The following PHACTR1 variants were observed in gnomAD, a reference collection of about 807,000 sequenced individuals.
PHACTR1 encodes the protein RPEL repeat containing 1.
PHACTR1 carries 16 observed loss-of-function variants against 69.2 expected under a neutral mutation model. The ratio of observed to expected loss-of-function variants is 0.23; its 90% CI spans 0.16 to 0.35. PHACTR1 has a LOEUF of 0.35. PHACTR1 is among the 10% of genes least tolerant of loss of function. The pLI is 1.00. For missense variants in PHACTR1, 510 were observed against 734.7 expected (o/e 0.69, Z 3.54); for synonymous variants, 312 against 284.5 (o/e 1.10, Z -0.97).
chr6:13,139,113 CTTT>C (rs10656438), intron 5 of PHACTR1, among the ~76,000 whole-genome samples: 1 of 142,026 alleles, frequency 7.0e-6, no homozygotes. Flanking sequence ...TGCTATTTGC[CTTT>C]TTTTTTTTTT....
At chr6:13,263,539 A>T (rs1383944689) in intron 10 of PHACTR1, among the ~76,000 whole-genome samples, 1 of 152,238 alleles carries the variant, frequency 6.6e-6, no homozygotes, top group Non-Finnish European at 1.5e-5. Context: ...GACATATTTT[A>T]TAAACCAGGG....
chr6:12,929,181 C>G (rs1280998843), intron 4 of PHACTR1, among the ~76,000 whole-genome samples: 1 of 152,314 alleles, frequency 6.6e-6, no homozygotes, highest in Middle Eastern at 3.4e-3. Context: ...TTGCCTAAAG[C>G]TGGGACCAAC....
At chr6:13,235,808 G>C (rs1771901687) in intron 10 of PHACTR1, among the ~76,000 whole-genome samples, 1 of 152,194 alleles carries the variant, frequency 6.6e-6, no homozygotes. Flanking sequence ...GGAACGGCTA[G>C]CTCTTCAGAC....
intron 4 of PHACTR1, among the ~76,000 whole-genome samples, chr6:12,997,276 T>G (rs1797536493): frequency 6.8e-6 from 1 of 147,894 alleles, no homozygotes. Flanking sequence ...TAGTATATAG[T>G]AAATCTCTAT....
chr6:12,986,708 C>T (rs1326138254), intron 4 of PHACTR1, among the ~76,000 whole-genome samples: 2 of 152,158 alleles, frequency 1.3e-5, no homozygotes, highest in African/African-American at 4.8e-5. Context: ...AAGACACCTA[C>T]GGAAGATTGG....
At chr6:12,746,941 T>G (rs1765851227) in intron 3 of PHACTR1, among the ~76,000 whole-genome samples, 2 of 152,216 alleles carry the variant, frequency 1.3e-5, no homozygotes, top group South Asian at 4.1e-4. Flanking sequence ...ATTGTTTATT[T>G]CCTTACATTT....
At chr6:12,881,274 T>C (rs1363736351) in intron 4 of PHACTR1, among the ~76,000 whole-genome samples, 2 of 152,188 alleles carry the variant, frequency 1.3e-5, no homozygotes, top group African/African-American at 2.4e-5. Context: ...TGAGTGACTC[T>C]CAAGTTTCCA....
At chr6:13,250,427 T>A (rs1478591710) in intron 10 of PHACTR1, among the ~76,000 whole-genome samples, 1 of 152,214 alleles carries the variant, frequency 6.6e-6, no homozygotes, top group East Asian at 1.9e-4. Flanking sequence ...CAGATTATGC[T>A]GGGAATACGG....
At chr6:13,223,236 G>A (rs1768967420) in intron 8 of PHACTR1, among the ~76,000 whole-genome samples, 1 of 152,138 alleles carries the variant, frequency 6.6e-6, no homozygotes, top group Non-Finnish European at 1.5e-5. Context: ...TAAGGAGGTG[G>A]GAGTATAATC....
chr6:12,857,426 A>G (rs547189046), intron 4 of PHACTR1, among the ~76,000 whole-genome samples: 31 of 152,292 alleles, frequency 2.0e-4, no homozygotes, highest in African/African-American at 7.5e-4. Context: ...CCTGGCCAAC[A>G]TGGCTGTCTT....
At chr6:13,060,505 T>C (rs1425644906) in intron 5 of PHACTR1, among the ~76,000 whole-genome samples, 2 of 152,090 alleles carry the variant, frequency 1.3e-5, no homozygotes, top group African/African-American at 4.8e-5. Context: ...TTAGAAAATA[T>C]GAGACAGAAG....
chr6:13,009,888 CCA>C (rs869061503), intron 4 of PHACTR1, among the ~76,000 whole-genome samples: 1 of 151,248 alleles, frequency 6.6e-6, no homozygotes, highest in Non-Finnish European at 1.5e-5. Context: ...ACCACCACCA[CCA>C]CCCTCTGCCC....
At chr6:13,006,460 TG>T (rs1420185922) in intron 4 of PHACTR1, among the ~76,000 whole-genome samples, 5 of 152,194 alleles carry the variant, frequency 3.3e-5, no homozygotes, top group Admixed American at 3.3e-4. Context: ...TTGTGTGACC[TG>T]GGAAATTCAT....
intron 4 of PHACTR1, among the ~76,000 whole-genome samples, chr6:12,781,958 G>A (rs1770881680): frequency 6.6e-6 from 1 of 152,198 alleles, no homozygotes; most frequent in Admixed American, 6.5e-5. Context: ...GGCCTATCTG[G>A]CCAAGTCACC....
chr6:13,160,809 T>C (rs1237688622), intron 6 of PHACTR1, among the ~76,000 whole-genome samples: 1 of 152,194 alleles, frequency 6.6e-6, no homozygotes, highest in Non-Finnish European at 1.5e-5. Flanking sequence ...AATGATAATA[T>C]TATGGTGCTT....
intron 3 of PHACTR1, among the ~76,000 whole-genome samples, chr6:12,745,040 G>GA (rs1765594424): frequency 6.6e-6 from 1 of 152,256 alleles, no homozygotes; most frequent in East Asian, 1.9e-4. Context: ...TTGGGGGCCT[G>GA]AAAAATAGAC....
chr6:13,276,235 G>A (rs1173754818), intron 11 of PHACTR1: 1 of 152,154 alleles, frequency 6.6e-6, no homozygotes, highest in African/African-American at 2.4e-5. Flanking sequence ...AGGGACCTCT[G>A]GTGACCTCAG....
intron 6 of PHACTR1, 131 bp from the exon 7 acceptor site, chr6:13,182,388 A>C (rs1762288221): frequency 9.4e-7 from 1 of 1,060,260 alleles, no homozygotes; most frequent in Admixed American, 1.9e-5. Flanking sequence ...TTAAAAGCAA[A>C]ATAACAGATG....
chr6:12,817,185 G>A (rs974441182), intron 4 of PHACTR1, among the ~76,000 whole-genome samples: 3 of 152,110 alleles, frequency 2.0e-5, no homozygotes, highest in Middle Eastern at 3.2e-3. Context: ...CTTATTTTTA[G>A]TGAATTTGGG....
Sources: allele counts gnomAD v4.1 joint callset (sites outside exome capture counted in the v4.1 genomes callset), GRCh38; gene constraint gnomAD v4.1.1; transcripts MANE v1.5; gene names NCBI Gene and HGNC (gene_info 2026-07-23, HGNC 2026-07-21).